PALMD: variants seen among roughly 807,000 people sequenced by gnomAD.
PALMD encodes paralemmin-like protein.
A neutral mutation model predicts 56.2 loss-of-function variants in PALMD; 42 were observed. That is an observed-to-expected ratio of 0.75 (90% CI 0.58 to 0.97). The LOEUF is 0.97. Among genes scored for constraint, PALMD ranks in the 50% least tolerant of loss-of-function variants. The pLI is 0.00. For synonymous variants in PALMD, 242 were observed against 222.9 expected, an observed-to-expected ratio of 1.09 and a Z score of -0.76; for missense variants, 660 against 643.8, an observed-to-expected ratio of 1.03 and a Z score of -0.27.
At position 99,689,795 on chromosome 1, in the gene PALMD, G is replaced by T. The variant is rs145174450; in HGVS notation, c.1535G>T (p.Ser512Ile). 5 of 1,613,744 alleles carry T rather than the reference G, an allele frequency of 3.1e-6. No homozygotes were observed. In the African/African-American group the frequency reaches 6.7e-5, roughly 22 times the overall value. ...ATATCTCTGAAAGAGCAAGAAGAAA[G>T]CTTAGGCAGCCCTGTCCACCATTCC... ...NSISLKEQEE[S>I]LGSPVHHSPF... The change falls in exon 7 of 8, where the codon AGC becomes ATC. Residue 512 changes from serine to isoleucine, a missense_variant. Coordinates refer to ENST00000263174, the MANE Select transcript of PALMD (RefSeq NM_017734.5).
At chr1:99,676,709 C>A (rs1451217168) in intron 3 of PALMD, among the ~76,000 whole-genome samples, 1 of 151,858 alleles carries the variant, frequency 6.6e-6, no homozygotes, top group African/African-American at 2.4e-5. Context: ...AGAAAATATG[C>A]CTGACATATA....
chr1:99,688,575 A>G (rs1653568537), intron 6 of PALMD, among the ~76,000 whole-genome samples, 200 bp from the exon 7 acceptor site: 1 of 152,164 alleles, frequency 6.6e-6, no homozygotes, highest in African/African-American at 2.4e-5. Flanking sequence ...ACAATTCCCT[A>G]CACCATTACA....
At chr1:99,651,575 TCTAA>T (rs1389582920) in intron 1 of PALMD, among the ~76,000 whole-genome samples, 2 of 152,224 alleles carry the variant, frequency 1.3e-5, no homozygotes, top group African/African-American at 4.8e-5. Context: ...ATCTGCAGTC[TCTAA>T]CTACCTACCC....
chr1:99,666,559 G>C (rs190206775), intron 2 of PALMD, among the ~76,000 whole-genome samples: 30 of 151,906 alleles, frequency 2.0e-4, no homozygotes, highest in Non-Finnish European at 4.1e-4. Flanking sequence ...TTCAATATAA[G>C]AGAAAGAAGT....
chr1:99,692,894 G>A (rs1653692575), intron 7 of PALMD, among the ~76,000 whole-genome samples: 3 of 152,162 alleles, frequency 2.0e-5, no homozygotes, highest in Non-Finnish European at 4.4e-5. Flanking sequence ...CTAAATTCTA[G>A]GGAATATTCT....
Position 99,689,284 on chromosome 1 carries a change from AC to A in PALMD, c.1028del (p.Pro343ArgfsTer5). On this transcript the variant is annotated frameshift_variant, in exon 7 of 8. Coordinates refer to ENST00000263174, the MANE Select transcript of PALMD (RefSeq NM_017734.5). LOFTEE classifies it high-confidence loss of function. ...VIQQAEEKLH[T>X]PQKRLMTPWE... ...TCAACAAGCAGAAGAGAAGCTTCAC[AC>A]CCCGCAAAAAAGGCTAATGACTCCT... The A allele has an allele frequency of 6.2e-7, 1 of 1,613,570 alleles. No homozygotes were observed. The highest frequency in any genetic ancestry group is 8.5e-7 in the Non-Finnish European group (1 of 1,179,862).
rs150035005 is a variant in PALMD, at chr1:99,689,087, C to A, written c.827C>A (p.Thr276Lys). The A allele has an allele frequency of 6.2e-7, 1 of 1,613,434 alleles. No homozygotes were observed. The highest frequency in any genetic ancestry group is 1.7e-5 in the Admixed American group (1 of 59,922). ...AGGCCTACAACCCCACAGAGAGAAACGGTGACCCCTGGACCAAACTTTCAA... is the reference window on the plus strand; with the variant it reads ...AGGCCTACAACCCCACAGAGAGAAAAGGTGACCCCTGGACCAAACTTTCAA... ...FYRPTTPQRETVTPGPNFQER... is the reference protein window; with the variant it reads ...FYRPTTPQREKVTPGPNFQER... The change falls in exon 7 of 8, where the codon ACG becomes AAG. Residue 276 changes from threonine to lysine, a missense_variant. By Grantham distance (78) the Thr-to-Lys change is moderately conservative (BLOSUM62 -1). Coordinates refer to ENST00000263174, the MANE Select transcript of PALMD (RefSeq NM_017734.5).
Position 99,689,180 on chromosome 1 carries a change from A to G in PALMD, c.920A>G (p.Asn307Ser), listed in dbSNP as rs1469260978. The G allele has an allele frequency of 6.2e-7, 1 of 1,613,602 alleles. No individual in the cohort carries two copies. ...AATGAATCCATACACAATATGGGCA[A>G]TGGTCTTTCAGAGGAAAGGGGAAAC... ...GVNESIHNMG[N>S]GLSEERGNNF... Residue 307 changes from asparagine to serine, a missense_variant, in exon 7 of 8, where the codon AAT becomes AGT. Transcript: ENST00000263174.
At chr1:99,684,980 G>C (rs139660697) in intron 3 of PALMD, 2 of 152,174 alleles carry the variant, frequency 1.3e-5, no homozygotes, top group Non-Finnish European at 2.9e-5. Context: ...CTACCAAAAG[G>C]CTTTCCTTTG....
intron 3 of PALMD, among the ~76,000 whole-genome samples, chr1:99,679,901 G>A (rs972219052): frequency 2.0e-5 from 3 of 152,164 alleles, no homozygotes; most frequent in African/African-American, 7.2e-5. Flanking sequence ...TGCTCATGGG[G>A]GTTGCTGTAA....
intron 2 of PALMD, among the ~76,000 whole-genome samples, chr1:99,662,849 G>A (rs535692588): frequency 6.6e-6 from 1 of 152,308 alleles, no homozygotes; most frequent in Non-Finnish European, 1.5e-5. Flanking sequence ...TGAGTCCAAT[G>A]TTGTTTGAGT....
At chr1:99,656,410 G>A (rs1335988720) in intron 1 of PALMD, among the ~76,000 whole-genome samples, 2 of 151,874 alleles carry the variant, frequency 1.3e-5, no homozygotes, top group Non-Finnish European at 2.9e-5. Flanking sequence ...CACCAACTCT[G>A]CATTGTTGGT....
chr1:99,686,370 T>G (rs1653495085), intron 3 of PALMD: 1 of 177,256 alleles, frequency 5.6e-6, no homozygotes, highest in Admixed American at 6.2e-5. Context: ...TTTAAAAATC[T>G]CTTTTATTTG....
intron 3 of PALMD, among the ~76,000 whole-genome samples, chr1:99,675,113 G>T (rs1217341411): frequency 6.6e-6 from 1 of 152,116 alleles, no homozygotes; most frequent in Non-Finnish European, 1.5e-5. Context: ...ATTTATATTT[G>T]TTGATCTTCA....
chr1:99,669,588 A>G (rs1405199144), intron 3 of PALMD: 1 of 152,270 alleles, frequency 6.6e-6, no homozygotes, highest in Admixed American at 6.6e-5. Context: ...GAGTCTTTCC[A>G]CACACTGAAC....
At position 99,689,479 on chromosome 1, in the gene PALMD, A is replaced by G. The variant is rs762211137; in HGVS notation, c.1219A>G (p.Ile407Val). Residue 407 changes from isoleucine (I) to valine (V), a missense_variant, in exon 7 of 8, where the codon ATA (isoleucine) becomes GTA (valine). Coordinates refer to ENST00000263174, the MANE Select transcript of PALMD (RefSeq NM_017734.5). ...YNIVHSLPPD[I>V]NDTEPVTMIF... The stretch of plus-strand genomic sequence containing the variant: ...TATCGTTCATTCCCTGCCTCCAGAC[A>G]TAAATGATACAGAACCGGTGACAAT... The G allele has an allele frequency of 1.2e-6, 2 of 1,613,902 alleles. No homozygotes were observed. Among genetic ancestry groups the G allele is most frequent in the Non-Finnish European group, 1.7e-6 (2 of 1,179,870 alleles).
In PALMD at chr1:99,694,058, T is replaced by A. The variant is rs1384079340; in HGVS notation, c.1652T>A (p.Ile551Asn). 1.3e-6 allele frequency: 2 copies of A among 1,596,000 alleles called. No individual in the cohort carries two copies. The highest frequency in any genetic ancestry group is 1.1e-5 in the South Asian group (1 of 89,916). Residue 551 changes from isoleucine to asparagine, a missense_variant, in exon 8 of 8, where the codon ATC becomes AAC. Coordinates refer to ENST00000263174, the MANE Select transcript of PALMD (RefSeq NM_017734.5). ...MRMAKLGKKV[I>N] is the part of the protein sequence containing the mutation. ...ATGGCAAAGCTGGGAAAAAAGGTGA[T>A]CTAAGAGTTGTACCACCTATATAAA...
At chr1:99,689,997 T>A (rs887235231) in intron 7 of PALMD, 125 bp downstream of exon 7, 5 of 763,716 alleles carry the variant, frequency 6.5e-6, no homozygotes, top group Admixed American at 2.8e-5. Context: ...GAGATTTTTT[T>A]ATTAATGCTG....
chr1:99,662,338 A>G lies in PALMD; in HGVS notation c.65A>G (p.Glu22Gly), dbSNP rs772925162. The stretch of plus-strand genomic sequence containing the variant: ...TTTCAGGATAAAAGAAAAATACAGG[A>G]AGAAATCTCACAGAAGCGTCTGAAA... ...QAITDKRKIQ[E>G]EISQKRLKIE... is the part of the protein sequence containing the mutation. Residue 22 changes from glutamate (E) to glycine (G), a missense_variant, in exon 2 of 8, where the codon GAA becomes GGA. Glu to Gly is a moderately conservative substitution (Grantham distance 98). Coordinates refer to ENST00000263174, the MANE Select transcript of PALMD (RefSeq NM_017734.5). 6.4e-7 allele frequency: 1 copy of G among 1,563,286 alleles called. No homozygotes were observed. The highest frequency in any genetic ancestry group is 2.3e-5 in the East Asian group (1 of 44,434).
Sources: allele counts gnomAD v4.1 joint callset (sites outside exome capture counted in the v4.1 genomes callset), GRCh38; gene constraint gnomAD v4.1.1; transcripts MANE v1.5; gene names NCBI Gene and HGNC (gene_info 2026-07-23, HGNC 2026-07-21).